Variants in ZNF507 observed in about 807,000 individuals in gnomAD.
ZNF507 encodes zinc finger protein 507.
Under a neutral mutation model 80.0 loss-of-function variants are expected in ZNF507, and 29 were observed. The ratio of observed to expected loss-of-function variants is 0.36; its 90% CI spans 0.27 to 0.49. The LOEUF is 0.49. Among genes scored for constraint, ZNF507 ranks in the 20% least tolerant of loss-of-function variants. The pLI is 0.98. For synonymous variants in ZNF507, 462 were observed against 422.5 expected, an observed-to-expected ratio of 1.09 and a Z score of -1.15; for missense variants, 1,081 against 1,152.2, an observed-to-expected ratio of 0.94 and a Z score of 0.90.
chr19:32,364,047 G>A (rs1316396959), intron 5 of ZNF507, among the ~76,000 whole-genome samples: 1 of 152,216 alleles, frequency 6.6e-6, no homozygotes, highest in East Asian at 1.9e-4. Flanking sequence ...AAGGCTTTGT[G>A]AAGATTAGGT....
intron 5 of ZNF507, among the ~76,000 whole-genome samples, chr19:32,362,728 TC>T (rs1967345858): frequency 6.6e-6 from 1 of 152,218 alleles, no homozygotes; most frequent in African/African-American, 2.4e-5. Flanking sequence ...CCTAGGGTCT[TC>T]CTACCAACGG....
chr19:32,376,133 T>A (rs751695743), intron 5 of ZNF507, among the ~76,000 whole-genome samples: 3 of 152,216 alleles, frequency 2.0e-5, no homozygotes, highest in Non-Finnish European at 2.9e-5. Flanking sequence ...TGTAGAAAGT[T>A]TAAATTATAA....
intron 5 of ZNF507, among the ~76,000 whole-genome samples, chr19:32,376,464 G>A (rs1187770257): frequency 1.3e-5 from 2 of 152,156 alleles, no homozygotes; most frequent in African/African-American, 2.4e-5. Context: ...GAGCGTCTCA[G>A]GTCCAGCATG....
chr19:32,368,400 T>G (rs1816070211), intron 5 of ZNF507, among the ~76,000 whole-genome samples: 1 of 152,186 alleles, frequency 6.6e-6, no homozygotes, highest in African/African-American at 2.4e-5. Context: ...AACACATACA[T>G]GATTTCTCCT....
chr19:32,348,987 G>T (rs1599543084), intron 2 of ZNF507, among the ~76,000 whole-genome samples: 1 of 152,318 alleles, frequency 6.6e-6, no homozygotes, highest in East Asian at 1.9e-4. Context: ...TATTTACAAA[G>T]ATATTAGTAA....
At chr19:32,374,942 A>C (rs1397024854) in intron 5 of ZNF507, among the ~76,000 whole-genome samples, 3 of 152,120 alleles carry the variant, frequency 2.0e-5, no homozygotes, top group Non-Finnish European at 4.4e-5. Flanking sequence ...GGAGTTGAGA[A>C]AGTTATATTT....
Position 32,356,682 on chromosome 19 carries a change from A to G in ZNF507, c.2194A>G (p.Asn732Asp), listed in dbSNP as rs748220171. Residue 732 changes from asparagine (N) to aspartate (D), a missense_variant, in exon 4 of 7, where the codon AAT (asparagine) becomes GAT (aspartate). By Grantham distance (23) the Asn-to-Asp change is conservative. Around this residue, in one of 6 missense-constraint regions of ZNF507, gnomAD observed 614 missense variants for 583.9 expected, o/e 1.05. Coordinates refer to ENST00000355898, the MANE Select transcript of ZNF507 (RefSeq NM_001136156.2). ...AGATACCTTGTCAATAGCAACTTCT[A>G]ATGAGCCAAGAATTTCCAGTGATAC... ...LPDTLSIATS[N>D]EPRISSDTAD... 8 of 1,614,044 alleles carry G rather than the reference A, an allele frequency of 5.0e-6. No homozygotes were observed. Among genetic ancestry groups the G allele is most frequent in the African/African-American group, 2.7e-5 (2 of 74,932 alleles).
chr19:32,369,560 T>C (rs1455311433), intron 5 of ZNF507, among the ~76,000 whole-genome samples: 2 of 152,228 alleles, frequency 1.3e-5, no homozygotes, highest in Non-Finnish European at 2.9e-5. Context: ...TGATTGTTGC[T>C]GGTCTGTTGG....
rs146402867 is a variant in ZNF507, at chr19:32,354,464, C to T, written c.1634C>T (p.Ser545Leu). 1.6e-4 allele frequency: 252 copies of T among 1,614,084 alleles called. 2 individuals carry two copies. The East Asian group carries it at 5.1e-3, about 33-fold the overall frequency. ...TTGGCAGCGTACTCAAAAATGATGT[C>T]GCCACTTAAAAACTCTTCAGATGGA... The part of the protein sequence containing the change: ...STLAAYSKMM[S>L]PLKNSSDGLT... Residue 545 changes from serine to leucine, a missense_variant, in exon 3 of 7, where the codon TCG becomes TTG. Physicochemically the swap from Ser to Leu is moderately radical, Grantham distance 145 (BLOSUM62 -2). Around this residue, in one of 6 missense-constraint regions of ZNF507, gnomAD observed 614 missense variants for 583.9 expected, o/e 1.05. Transcript: ENST00000355898.
In ZNF507 at chr19:32,353,829, A is replaced by T. The variant is rs1967207392; in HGVS notation, c.999A>T (p.Ser333=). ...QVQICSSEQL[S]SSSPLEQSAE... ...AGATTTGCAGCTCAGAACAGTTATCATCTTCATCTCCTTTAGAACAGAGTG... is the reference window on the plus strand; with the variant it reads ...AGATTTGCAGCTCAGAACAGTTATCTTCTTCATCTCCTTTAGAACAGAGTG... The change falls in exon 3 of 7, where the codon TCA becomes TCT. Residue 333 remains serine (S), a synonymous_variant. Transcript: ENST00000355898. The T allele has an allele frequency of 6.2e-7, 1 of 1,614,106 alleles. No individual in the cohort carries two copies. Among genetic ancestry groups the T allele is most frequent in the African/African-American group, 1.3e-5 (1 of 74,926 alleles).
intron 5 of ZNF507, among the ~76,000 whole-genome samples, chr19:32,370,740 T>C (rs3906357): frequency 0.061 from 9,327 of 152,314 alleles, 530 homozygotes; most frequent in Admixed American, 0.2. Flanking sequence ...TGGTTTGATG[T>C]TGTCCCATTT....
At chr19:32,366,380 C>T (rs111567858) in intron 5 of ZNF507, among the ~76,000 whole-genome samples, 1 of 152,170 alleles carries the variant, frequency 6.6e-6, no homozygotes, top group Non-Finnish European at 1.5e-5. Flanking sequence ...CACCCCTCCC[C>T]TCTGTCTGGT....
chr19:32,370,950 T>C (rs1421579516), intron 5 of ZNF507, among the ~76,000 whole-genome samples: 2 of 152,222 alleles, frequency 1.3e-5, no homozygotes, highest in African/African-American at 4.8e-5. Flanking sequence ...CATGTGGATA[T>C]CCAGTATTCC....
chr19:32,361,239 A>G (rs1008425), intron 5 of ZNF507, among the ~76,000 whole-genome samples: 104,128 of 152,014 alleles, frequency 0.68, 35,981 homozygotes, highest in Middle Eastern at 0.74. Context: ...ATTTAATTTC[A>G]TTACTTGATT....
rs557569791 is a variant in ZNF507, at chr19:32,384,653, A to C, written c.*1570A>C. On this transcript the variant is annotated 3_prime_UTR_variant, in exon 7 of 7. Coordinates refer to ENST00000355898, the MANE Select transcript of ZNF507 (RefSeq NM_001136156.2). Reference sequence around the variant, plus strand: ...AGGTATGATTGGATTAATATTTATAAAATTATTATTAGGAATTATTTAAGT... The same window carrying C: ...AGGTATGATTGGATTAATATTTATACAATTATTATTAGGAATTATTTAAGT... The C allele has an allele frequency of 1.3e-5, 2 of 152,256 alleles. No homozygotes were observed. The highest frequency in any genetic ancestry group is 2.1e-4 in the South Asian group (1 of 4,822). 9.4% of individuals were successfully genotyped at this position (152,256 alleles called of 1,614,324 possible).
At chr19:32,374,760 G>A (rs1324202387) in intron 5 of ZNF507, among the ~76,000 whole-genome samples, 2 of 152,104 alleles carry the variant, frequency 1.3e-5, no homozygotes, top group Non-Finnish European at 1.5e-5. Context: ...AGGATTACAG[G>A]CATGAGCCAC....
At chr19:32,358,468 A>T (rs1181353379) in intron 4 of ZNF507, 1 of 152,184 alleles carries the variant, frequency 6.6e-6, no homozygotes, top group Non-Finnish European at 1.5e-5. Context: ...GCCTGTCTTG[A>T]GCTAGATACT....
chr19:32,386,732 C>T lies in ZNF507; in HGVS notation c.*3649C>T, dbSNP rs1302668378. The T allele has an allele frequency of 2.6e-5, 4 of 152,496 alleles. No individual in the cohort carries two copies. Among genetic ancestry groups the T allele is most frequent in the African/African-American group, 9.7e-5 (4 of 41,424 alleles). 9.4% of individuals were successfully genotyped at this position (152,496 alleles called of 1,614,324 possible). A position where few individuals can be genotyped will look rare whatever the true frequency, so the allele number is the denominator to read the frequency against. ...GAACAGTGAGGCAAGGTCTGTAGTG[C>T]TTCTTTAACTACCTTTGGAAATACT... is the stretch of plus-strand genomic sequence containing the variant. On this transcript the variant is annotated 3_prime_UTR_variant, in exon 7 of 7. Coordinates refer to ENST00000355898, the MANE Select transcript of ZNF507 (RefSeq NM_001136156.2).
intron 5 of ZNF507, among the ~76,000 whole-genome samples, chr19:32,379,778 G>C (rs1048958062): frequency 1.5e-5 from 1 of 67,326 alleles, no homozygotes; most frequent in Non-Finnish European, 3.2e-5. Context: ...ATCTCATGGG[G>C]GTTTTTTGGT....
Sources: allele counts gnomAD v4.1 joint callset (sites outside exome capture counted in the v4.1 genomes callset), GRCh38; gene constraint gnomAD v4.1.1; regional missense constraint gnomAD v4.1.1; transcripts MANE v1.5; gene names NCBI Gene and HGNC (gene_info 2026-07-23, HGNC 2026-07-21).